The following SPATS1 variants were observed in gnomAD, a reference collection of about 807,000 sequenced individuals.
The protein encoded by SPATS1 is spermatogenesis associated serine rich 1.
A neutral mutation model predicts 33.6 loss-of-function variants in SPATS1; 23 were observed. The ratio of observed to expected loss-of-function variants is 0.68; its 90% CI spans 0.49 to 0.97. The LOEUF is 0.97. SPATS1 is among the 50% of genes least tolerant of loss of function. The pLI is 0.00. For missense variants in SPATS1, 327 were observed against 361.0 expected, an observed-to-expected ratio of 0.91 and a Z score of 0.76; for synonymous variants, 131 against 125.6, an observed-to-expected ratio of 1.04 and a Z score of -0.29.
rs182345774 is a variant in SPATS1 at position 44,350,522 on chromosome 6, T to C, written c.140-2204T>C. 6.6e-5 allele frequency among the ~76,000 whole-genome samples: 10 copies of C among 152,344 alleles called. No homozygotes were observed. In the East Asian group the frequency reaches 1.9e-3, roughly 29 times the overall value. On this transcript the variant is annotated intron_variant, in intron 2 of 8. Transcript: ENST00000674044. ...TCTGATGCAGATAGGCCTTGCGCCA[T>C]GTCCTGAGAAGCCCCAGAGTGGGAG...
intron 1 of SPATS1, 160 bp downstream of exon 1, chr6:44,342,928 C>A: frequency 2.4e-6 from 3 of 1,239,740 alleles, no homozygotes; most frequent in Non-Finnish European, 3.3e-6. Flanking sequence ...GGCTTCCAAA[C>A]CACGAAACGC....
intron 7 of SPATS1, among the ~76,000 whole-genome samples, chr6:44,371,899 G>C (rs1262373429): frequency 6.7e-6 from 1 of 149,654 alleles, no homozygotes; most frequent in Non-Finnish European, 1.5e-5. Flanking sequence ...GAGCTGAGAT[G>C]GTGCCACTGC....
chr6:44,343,261 G>A, intron 2 of SPATS1, 27 bp downstream of exon 2: 1 of 1,613,586 alleles, frequency 6.2e-7, no homozygotes. Context: ...TCCAGGCTGT[G>A]GAGTTGGTGG....
At chr6:44,366,677 G>C (rs1488327985) in intron 5 of SPATS1, among the ~76,000 whole-genome samples, 3 of 152,138 alleles carry the variant, frequency 2.0e-5, no homozygotes, top group Non-Finnish European at 2.9e-5. Flanking sequence ...TCCCTATCTA[G>C]ATAAGATTCC....
Position 44,379,356 on chromosome 6 carries a change from C to T in SPATS1, c.*2293C>T, listed in dbSNP as rs371094092. ...CTGTAATCCCAGCACTTTGGGAGGC[C>T]GAGGCAGGCGGATCACGAGGTCAGG... is the stretch of plus-strand genomic sequence containing the variant. On this transcript the variant is annotated 3_prime_UTR_variant, in exon 9 of 9. Transcript: ENST00000674044. Among the ~76,000 whole-genome samples the T allele has an allele frequency of 7.2e-4, 110 of 151,810 alleles. 2 individuals carry two copies. In the East Asian group the frequency reaches 0.02, roughly 28 times the overall value.
At chr6:44,342,841 A>C in intron 1 of SPATS1, 73 bp downstream of exon 1, 2 of 1,184,984 alleles carry the variant, frequency 1.7e-6, no homozygotes, top group South Asian at 1.3e-5. Flanking sequence ...GAGGTGGAAA[A>C]GAAGGAGCAC....
At chr6:44,363,644 TTCCTTCCTTCCCTCCTTCCC>T (rs796792465) in intron 5 of SPATS1, among the ~76,000 whole-genome samples, 13,318 of 83,766 alleles carry the variant, frequency 0.16, 2,098 homozygotes, top group African/African-American at 0.4. Context: ...CTTTCTTTCC[TTCCTTCCTTCCCTCCTTCCC>T]TCCTTCCTTC....
intron 2 of SPATS1, among the ~76,000 whole-genome samples, chr6:44,348,799 G>C (rs1788059290): frequency 6.6e-6 from 1 of 152,084 alleles, no homozygotes; most frequent in Non-Finnish European, 1.5e-5. Flanking sequence ...CTGGCTAAGA[G>C]ACCAGCCTGG....
chr6:44,361,944 T>C lies in SPATS1; in HGVS notation c.526T>C (p.Ser176Pro), dbSNP rs1406427861. 1 of 1,613,964 alleles carries C rather than the reference T, an allele frequency of 6.2e-7. No individual in the cohort carries two copies. Among genetic ancestry groups the C allele is most frequent in the African/African-American group, 1.3e-5 (1 of 74,858 alleles). ...TGGAGTCTTCCTCGGCAACAAGAGGTCTCTATCAGAGAGGACGGTGGACAA... is the reference window on the plus strand; with the variant it reads ...TGGAGTCTTCCTCGGCAACAAGAGGCCTCTATCAGAGAGGACGGTGGACAA... ...FNGVFLGNKR[S>P]LSERTVDKCF... The change falls in exon 5 of 9, where the codon TCT (serine) becomes CCT (proline). Residue 176 changes from serine to proline, a missense_variant. Coordinates refer to ENST00000674044, the MANE Select transcript of SPATS1 (RefSeq NM_001372081.1).
At chr6:44,360,594 A>C (rs768953076) in intron 4 of SPATS1, 24 bp downstream of exon 4, 2 of 1,612,974 alleles carry the variant, frequency 1.2e-6, no homozygotes, top group Non-Finnish European at 1.7e-6. Flanking sequence ...CCTCCTCCAC[A>C]TGCTTCTGTG....
At chr6:44,374,912 G>A (rs972648713) in intron 7 of SPATS1, among the ~76,000 whole-genome samples, 8 of 152,110 alleles carry the variant, frequency 5.3e-5, no homozygotes, top group East Asian at 1.9e-4. Flanking sequence ...CGTCCTCTTC[G>A]TTCTTGCAGG....
Position 44,343,176 on chromosome 6 carries a change from G to T in SPATS1, c.81G>T (p.Gln27His), listed in dbSNP as rs1324678306. 6.2e-7 allele frequency: 1 copy of T among 1,614,138 alleles called. No homozygotes were observed. ...PSISSTTCGR[Q>H]LEKVPEKRDS... ...TCTCAAGCACGACCTGCGGCAGACAGCTGGAGAAGGTTCCAGAAAAAAGGG... is the reference window on the plus strand; with the variant it reads ...TCTCAAGCACGACCTGCGGCAGACATCTGGAGAAGGTTCCAGAAAAAAGGG... Residue 27 changes from glutamine to histidine, a missense_variant, in exon 2 of 9, where the codon CAG becomes CAT. Coordinates refer to ENST00000674044, the MANE Select transcript of SPATS1 (RefSeq NM_001372081.1).
rs182407451 is a variant in SPATS1 at position 44,352,401 on chromosome 6, C to T, written c.140-325C>T. On this transcript the variant is annotated intron_variant, in intron 2 of 8. Transcript: ENST00000674044. ...TCTTATCTGATCCACCCACCTTGGCCTCCCAAAGTGCTGAGATTACAGGCA... is the reference window on the plus strand; with the variant it reads ...TCTTATCTGATCCACCCACCTTGGCTTCCCAAAGTGCTGAGATTACAGGCA... Among the ~76,000 whole-genome samples, 3 of 152,206 alleles carry T rather than the reference C, an allele frequency of 2.0e-5. No homozygotes were observed. In the East Asian group the frequency reaches 5.8e-4, roughly 29 times the overall value.
At chr6:44,364,414 G>T (rs1444691184) in intron 5 of SPATS1, among the ~76,000 whole-genome samples, 1 of 152,154 alleles carries the variant, frequency 6.6e-6, no homozygotes, top group Non-Finnish European at 1.5e-5. Flanking sequence ...AATTTGTATG[G>T]TGAAGAAACT....
At chr6:44,355,034 C>G (rs1400835973) in intron 3 of SPATS1, among the ~76,000 whole-genome samples, 1 of 151,980 alleles carries the variant, frequency 6.6e-6, no homozygotes, top group Non-Finnish European at 1.5e-5. Context: ...CTACCCAGGC[C>G]AGTTTCAAAC....
At chr6:44,344,027 A>G (rs956783854) in intron 2 of SPATS1, among the ~76,000 whole-genome samples, 2 of 152,180 alleles carry the variant, frequency 1.3e-5, no homozygotes, top group Non-Finnish European at 1.5e-5. Context: ...AGCTATTAAT[A>G]TAAGCTAGGA....
chr6:44,348,011 T>A (rs1291010444), intron 2 of SPATS1, among the ~76,000 whole-genome samples: 2 of 150,988 alleles, frequency 1.3e-5, no homozygotes, highest in Non-Finnish European at 2.9e-5. Flanking sequence ...TATTATTATT[T>A]TTGTTTTTTT....
rs531991707 is a variant in SPATS1, at chr6:44,369,407, G to A, written c.696-644G>A. Among the ~76,000 whole-genome samples the A allele has an allele frequency of 2.0e-4, 31 of 152,060 alleles. No homozygotes were observed. The South Asian group carries it at 5.0e-3, about 25-fold the overall frequency. ...TCTACTAAAAATACAAAAATTAGCT[G>A]GGCACGGTGGCAGATGCTTGTAATC... On this transcript the variant is annotated intron_variant, in intron 6 of 8. Transcript: ENST00000674044.
intron 7 of SPATS1, among the ~76,000 whole-genome samples, chr6:44,371,806 G>T (rs9472269): frequency 0.62 from 93,809 of 151,460 alleles, 31,538 homozygotes; most frequent in Non-Finnish European, 0.77. Flanking sequence ...TTAGCTGGGC[G>T]TGGTGGCAGG....
Sources: allele counts gnomAD v4.1 joint callset (sites outside exome capture counted in the v4.1 genomes callset), GRCh38; gene constraint gnomAD v4.1.1; transcripts MANE v1.5; gene names NCBI Gene and HGNC (gene_info 2026-07-23, HGNC 2026-07-21).